The following MGAT4C variants were observed in gnomAD, a reference collection of about 807,000 sequenced individuals.
MGAT4C encodes MGAT4 family member C.
A neutral mutation model predicts 40.1 loss-of-function variants in MGAT4C; 19 were observed. That is an observed-to-expected ratio of 0.47 (90% confidence interval 0.33 to 0.70). The LOEUF is 0.70. Among genes scored for constraint, MGAT4C ranks in the 30% least tolerant of loss-of-function variants. The pLI, the probability that MGAT4C is intolerant of heterozygous loss-of-function variation, is 0.02. For missense variants in MGAT4C, 491 were observed against 563.2 expected, an observed-to-expected ratio of 0.87 and a Z score of 1.30; for synonymous variants, 181 against 187.1, an observed-to-expected ratio of 0.97 and a Z score of 0.27.
chr12:86,811,028 A>AGCAATGT lies in MGAT4C; in HGVS notation c.-262+27637_-262+27638insACATTGC, dbSNP rs1566006314. Among the ~76,000 whole-genome samples, 659 of 81,230 alleles carry AGCAATGT rather than the reference A, an allele frequency of 8.1e-3. 9 individuals are homozygous for AGCAATGT. Among genetic ancestry groups the AGCAATGT allele is most frequent in the Admixed American group, 0.01 (65 of 6,488 alleles). 53.3% of individuals were successfully genotyped at this position (81,230 alleles called of 152,430 possible). On this transcript the variant is annotated intron_variant, in intron 1 of 7. Coordinates refer to the MGAT4C transcript ENST00000548651. ...TTTTGATTTGAGACTAGTCCTTGTC[A>AGCAATGT]AAGATTTTATATTTGACATAAACTA...
intron 2 of MGAT4C, among the ~76,000 whole-genome samples, chr12:86,627,331 T>G (rs1347911283): frequency 6.6e-6 from 1 of 152,204 alleles, no homozygotes; most frequent in Admixed American, 6.5e-5. Flanking sequence ...TTCTGCAGAC[T>G]TAAACATCCC....
At chr12:86,513,655 A>G (rs1428512851) in intron 2 of MGAT4C, among the ~76,000 whole-genome samples, 1 of 152,184 alleles carries the variant, frequency 6.6e-6, no homozygotes, top group Non-Finnish European at 1.5e-5. Flanking sequence ...GGTGGTATCA[A>G]TGGGAATGGT....
intron 2 of MGAT4C, among the ~76,000 whole-genome samples, chr12:86,047,611 T>C (rs1592775347): frequency 2.0e-5 from 3 of 152,188 alleles, no homozygotes; most frequent in Admixed American, 2.0e-4. Context: ...TAGTGGAAAG[T>C]ATAATAGCAA....
rs192859640 is a variant in MGAT4C, at chr12:86,441,343, T to A, written c.-228-6078A>T. ...CCAACTGATTTTTTTTATTATTATT[T>A]TTATTATTATTATTATTATTATACT... is the stretch of plus-strand genomic sequence containing the variant. On this transcript the variant is annotated intron_variant, in intron 2 of 7. Transcript: ENST00000548651. Among the ~76,000 whole-genome samples the A allele has an allele frequency of 7.0e-3, 1,046 of 150,058 alleles. 10 individuals are homozygous for A. Among genetic ancestry groups the A allele is most frequent in the African/African-American group, 0.023 (953 of 41,042 alleles).
chr12:86,258,284 AATC>A (rs1242050003), upstream of MGAT4C, among the ~76,000 whole-genome samples: 1 of 146,658 alleles, frequency 6.8e-6, no homozygotes, highest in East Asian at 2.0e-4. Context: ...AACAGGATAT[AATC>A]TATCTATCTA....
intron 1 of MGAT4C, among the ~76,000 whole-genome samples, chr12:86,219,730 T>C (rs1223568102): frequency 6.6e-6 from 1 of 152,132 alleles, no homozygotes; most frequent in African/African-American, 2.4e-5. Context: ...TTAGATTTCT[T>C]TGGTCAAAGG....
intron 4 of MGAT4C, among the ~76,000 whole-genome samples, chr12:86,269,434 T>C (rs1275828987): frequency 1.3e-5 from 2 of 151,946 alleles, no homozygotes; most frequent in Non-Finnish European, 2.9e-5. Context: ...TTGACAGTAG[T>C]CAAGAAAATT....
At chr12:86,242,330 C>T (rs147308137) in intron 1 of MGAT4C, among the ~76,000 whole-genome samples, 3 of 152,234 alleles carry the variant, frequency 2.0e-5, no homozygotes, top group South Asian at 2.1e-4. Flanking sequence ...TCACTCGCCA[C>T]GAAGCTGGAT....
intron 1 of MGAT4C, among the ~76,000 whole-genome samples, chr12:86,190,278 A>T (rs1050411359): frequency 6.6e-6 from 1 of 152,100 alleles, no homozygotes; most frequent in Non-Finnish European, 1.5e-5. Context: ...ATTACAGTTT[A>T]AAAAATCAAT....
At chr12:86,551,207 C>G (rs567594587) in intron 2 of MGAT4C, among the ~76,000 whole-genome samples, 1 of 152,148 alleles carries the variant, frequency 6.6e-6, no homozygotes, top group African/African-American at 2.4e-5. Flanking sequence ...TAAGAAACAA[C>G]CCTTTAAGGT....
chr12:86,704,650 C>T (rs1341925887), intron 2 of MGAT4C, among the ~76,000 whole-genome samples: 2 of 152,052 alleles, frequency 1.3e-5, no homozygotes, highest in African/African-American at 4.8e-5. Context: ...TTATAACAAT[C>T]AACTTATAAG....
At chr12:85,980,625 T>A (rs1884478060) in intron 4 of MGAT4C, among the ~76,000 whole-genome samples, 195 bp from the exon 5 acceptor site, 1 of 152,126 alleles carries the variant, frequency 6.6e-6, no homozygotes, top group African/African-American at 2.4e-5. Flanking sequence ...AATACATAAT[T>A]TATATTTTCT....
intron 2 of MGAT4C, among the ~76,000 whole-genome samples, chr12:86,446,474 T>A (rs1241880658): frequency 6.6e-6 from 1 of 151,558 alleles, no homozygotes; most frequent in Non-Finnish European, 1.5e-5. Context: ...CAGCTGTTTT[T>A]GTGATTTGCA....
intron 1 of MGAT4C, among the ~76,000 whole-genome samples, chr12:86,203,529 T>C (rs977875258): frequency 6.6e-6 from 1 of 152,146 alleles, no homozygotes; most frequent in Admixed American, 6.5e-5. Flanking sequence ...CTGATCAAAT[T>C]CTAGGTGTTT....
At chr12:86,704,580 A>C (rs2136620724) in intron 2 of MGAT4C, among the ~76,000 whole-genome samples, 1 of 152,290 alleles carries the variant, frequency 6.6e-6, no homozygotes, top group South Asian at 2.1e-4. Context: ...AAGAAGGACA[A>C]AAAGTCAAGG....
intron 3 of MGAT4C, among the ~76,000 whole-genome samples, chr12:86,429,396 T>C (rs1956990307): frequency 6.6e-6 from 1 of 152,158 alleles, no homozygotes; most frequent in South Asian, 2.1e-4. Context: ...CTATTCTGAA[T>C]AATGTTTGTT....
intron 1 of MGAT4C, among the ~76,000 whole-genome samples, chr12:86,760,745 G>C (rs1348246303): frequency 6.6e-6 from 1 of 152,062 alleles, no homozygotes; most frequent in Non-Finnish European, 1.5e-5. Context: ...TAGTTAAAAA[G>C]ACTTTGCTGA....
upstream of MGAT4C, chr12:86,838,828 C>T (rs1953092775): frequency 6.6e-6 from 1 of 152,242 alleles, no homozygotes; most frequent in Non-Finnish European, 1.5e-5. Flanking sequence ...AATGTGACAG[C>T]TCTCTAGATC....
intron 1 of MGAT4C, among the ~76,000 whole-genome samples, chr12:86,230,910 G>A (rs1487729074): frequency 2.7e-5 from 4 of 149,894 alleles, no homozygotes; most frequent in South Asian, 4.2e-4. Flanking sequence ...CGTGCCAAAC[G>A]GGAAAAGTAA....
Sources: gnomAD v4.1 joint callset for allele counts (sites outside exome capture counted in the v4.1 genomes callset) on GRCh38, gnomAD v4.1.1 for gene constraint, MANE v1.5 for transcripts, NCBI Gene and HGNC (gene_info 2026-07-23, HGNC 2026-07-21) for gene names.